The following SPTBN1 variants were observed in gnomAD, a reference collection of about 807,000 sequenced individuals.
SPTBN1 encodes the protein spectrin beta chain, non-erythrocytic 1.
A neutral mutation model predicts 266.4 loss-of-function variants in SPTBN1; 32 were observed. That is an observed-to-expected ratio of 0.12 (90% confidence interval 0.09 to 0.16). The LOEUF is 0.16. SPTBN1 is among the 10% of genes least tolerant of loss of function. SPTBN1 has a pLI of 1.00. For synonymous variants in SPTBN1, 1,336 were observed against 1,162.2 expected, an observed-to-expected ratio of 1.15 and a Z score of -3.04; for missense variants, 2,296 against 3,067.1, an observed-to-expected ratio of 0.75 and a Z score of 5.94.
chr2:54,636,663 C>T (rs1175222215), intron 17 of SPTBN1, among the ~76,000 whole-genome samples: 3 of 152,208 alleles, frequency 2.0e-5, no homozygotes, highest in Non-Finnish European at 2.9e-5. Context: ...TCATCCCTGC[C>T]TCAGGGTTTG....
At chr2:54,521,402 T>G (rs997178419) in intron 1 of SPTBN1, among the ~76,000 whole-genome samples, 2 of 152,222 alleles carry the variant, frequency 1.3e-5, no homozygotes, top group African/African-American at 4.8e-5. Context: ...ATACTCAGCT[T>G]TCTTTGGACA....
chr2:54,660,872 T>G, intron 32 of SPTBN1: 1 of 985,450 alleles, frequency 1.0e-6, no homozygotes, highest in African/African-American at 1.7e-5. Context: ...GTGACAGCCG[T>G]TCTCAGCATG....
At chr2:54,603,274 G>T (rs987988554) in intron 3 of SPTBN1, among the ~76,000 whole-genome samples, 1 of 151,336 alleles carries the variant, frequency 6.6e-6, no homozygotes, top group Non-Finnish European at 1.5e-5. Flanking sequence ...AGCATTTGGA[G>T]GTAGCAGGCA....
chr2:54,645,569 G>T lies in SPTBN1; in HGVS notation c.4494+116G>T. 1 of 1,085,728 alleles carries T rather than the reference G, an allele frequency of 9.2e-7. No individual in the cohort carries two copies. Among genetic ancestry groups the T allele is most frequent in the Non-Finnish European group, 1.3e-6 (1 of 753,214 alleles). The allele number at this position is 1,085,728 out of a possible 1,614,324, so 67.3% of individuals were successfully genotyped here. A position where few individuals can be genotyped will look rare whatever the true frequency, so the allele number is the denominator to read the frequency against. ...TTGGGCCACGTTGGCAAGCTGAGCT[G>T]CCAAAGTCCACGCTCTGGATGGTCT... On this transcript the variant is annotated intron_variant, in intron 21 of 35. Coordinates refer to ENST00000356805, the MANE Select transcript of SPTBN1 (RefSeq NM_003128.3). The surrounding 1 kb of genome is among the most constrained non-coding windows in gnomAD (Gnocchi z 4.3).
intron 29 of SPTBN1, 160 bp from the exon 30 acceptor site, chr2:54,657,690 G>T: frequency 2.6e-6 from 2 of 784,172 alleles, no homozygotes; most frequent in Non-Finnish European, 3.9e-6. Context: ...TGCAAGTGTG[G>T]CTCACATTAC....
chr2:54,493,622 G>A (rs960134041), intron 1 of SPTBN1, among the ~76,000 whole-genome samples: 5 of 151,864 alleles, frequency 3.3e-5, no homozygotes, highest in African/African-American at 1.2e-4. Flanking sequence ...GGCTAGTCTT[G>A]AACTCCTTGC....
chr2:54,628,228 G>C lies in SPTBN1; in HGVS notation c.1776G>C (p.Gln592His). 6.2e-7 allele frequency: 1 copy of C among 1,613,648 alleles called. No individual in the cohort carries two copies. Among genetic ancestry groups the C allele is most frequent in the Non-Finnish European group, 8.5e-7 (1 of 1,179,810 alleles). ...ERVRGVNASA[Q>H]KFATDGEGYK... ...TGAGAGGTGTCAATGCCTCCGCCCA[G>C]AAGTTCGCAACAGACGGGGAAGGTA... The change falls in exon 13 of 36, where the codon CAG (glutamine) becomes CAC (histidine). Residue 592 changes from glutamine to histidine, a missense_variant. Around this residue, in one of 12 missense-constraint regions of SPTBN1, gnomAD observed 434 missense variants for 573.9 expected, o/e 0.76. Coordinates refer to ENST00000356805, the MANE Select transcript of SPTBN1 (RefSeq NM_003128.3). The surrounding 1 kb of genome is among the most constrained non-coding windows in gnomAD (Gnocchi z 4.3).
At chr2:54,613,818 G>T (rs1677389570) in intron 4 of SPTBN1, among the ~76,000 whole-genome samples, 1 of 152,196 alleles carries the variant, frequency 6.6e-6, no homozygotes, top group African/African-American at 2.4e-5. Context: ...GGCAACAGAG[G>T]TGAAATTATT....
At chr2:54,660,482 A>G (rs1413548738) in intron 32 of SPTBN1, 19 of 989,464 alleles carry the variant, frequency 1.9e-5, no homozygotes, top group Non-Finnish European at 2.2e-5. Context: ...TTATTAACCT[A>G]TAGTAGTTTA....
At chr2:54,618,008 G>T (rs2103841252) in intron 6 of SPTBN1, 70 bp from the exon 7 acceptor site, 14 of 1,245,108 alleles carry the variant, frequency 1.1e-5, no homozygotes, top group Non-Finnish European at 1.6e-5. Flanking sequence ...TGGAGTAACA[G>T]TCATGTTTCA....
In SPTBN1 at chr2:54,621,473, G is replaced by A; in HGVS notation, c.837G>A (p.Lys279=). 1 of 1,614,162 alleles carries A rather than the reference G, an allele frequency of 6.2e-7. No homozygotes were observed. The highest frequency in any genetic ancestry group is 8.5e-7 in the Non-Finnish European group (1 of 1,180,002). ...TGACTTATTACCACTACTTCTCTAA[G>A]ATGAAGGCCTTAGCTGTTGAAGGAA... ...YVVTYYHYFS[K]MKALAVEGKR... is the part of the protein sequence containing the mutation. Residue 279 remains lysine, a synonymous_variant, in exon 8 of 36, where the codon AAG becomes AAA. Coordinates refer to ENST00000356805, the MANE Select transcript of SPTBN1 (RefSeq NM_003128.3).
At chr2:54,608,282 A>T (rs1186452216) in intron 3 of SPTBN1, among the ~76,000 whole-genome samples, 1 of 152,220 alleles carries the variant, frequency 6.6e-6, no homozygotes, top group Non-Finnish European at 1.5e-5. Flanking sequence ...AAATGAAACA[A>T]CAGCAAAATT....
intron 1 of SPTBN1, among the ~76,000 whole-genome samples, chr2:54,468,757 G>A (rs1339290190): frequency 6.6e-6 from 1 of 152,182 alleles, no homozygotes; most frequent in African/African-American, 2.4e-5. Context: ...TAGATAATGT[G>A]CTTTCTGTTT....
intron 2 of SPTBN1, among the ~76,000 whole-genome samples, chr2:54,590,433 A>G (rs1390132745): frequency 1.3e-5 from 2 of 152,242 alleles, no homozygotes; most frequent in East Asian, 3.9e-4. Flanking sequence ...TTTATTGTGC[A>G]CCTCCTTTAT....
At chr2:54,642,919 T>G in intron 18 of SPTBN1, 64 bp from the exon 19 acceptor site, 1 of 1,573,288 alleles carries the variant, frequency 6.4e-7, no homozygotes, top group Non-Finnish European at 8.6e-7. Flanking sequence ...CACAACCCTT[T>G]CCAGGCGGAA....
At chr2:54,480,274 G>T (rs896528854) in intron 1 of SPTBN1, among the ~76,000 whole-genome samples, 7 of 152,212 alleles carry the variant, frequency 4.6e-5, no homozygotes, top group Admixed American at 4.6e-4. Context: ...TGGGTGGGGA[G>T]TGGCAAAGCC....
At chr2:54,471,793 T>G (rs1456300589) in intron 1 of SPTBN1, among the ~76,000 whole-genome samples, 1 of 122,600 alleles carries the variant, frequency 8.2e-6, no homozygotes, top group Non-Finnish European at 1.6e-5. Context: ...TTTCCTCTTT[T>G]TTATCGATTT....
intron 32 of SPTBN1, chr2:54,661,955 A>G (rs1365893887): frequency 2.0e-6 from 2 of 985,348 alleles, no homozygotes; most frequent in Non-Finnish European, 2.4e-6. Flanking sequence ...TTGTATGAGA[A>G]GAAAAAGTAT....
intron 1 of SPTBN1, among the ~76,000 whole-genome samples, chr2:54,463,246 G>A (rs957778100): frequency 2.0e-5 from 3 of 152,206 alleles, no homozygotes; most frequent in Non-Finnish European, 2.9e-5. Flanking sequence ...AGTGGGTGAC[G>A]AGCTAAGCTA....
Sources: gnomAD v4.1 joint callset for allele counts (sites outside exome capture counted in the v4.1 genomes callset) on GRCh38, gnomAD v4.1.1 for gene constraint, gnomAD v4.1.1 regional missense constraint, Gnocchi (gnomAD v3.1) non-coding constraint, MANE v1.5 for transcripts, NCBI Gene and HGNC (gene_info 2026-07-23, HGNC 2026-07-21) for gene names.